TCTN2: variants seen among roughly 807,000 people sequenced by gnomAD.
TCTN2 encodes the protein tectonic family member 2, also known as tectonic-2.
In TCTN2, 66 loss-of-function variants were observed where a neutral mutation model predicts 83.4. The ratio of observed to expected loss-of-function variants is 0.79; its 90% CI spans 0.65 to 0.97. The LOEUF (loss-of-function observed/expected upper bound fraction) is 0.97, where lower values mean the gene tolerates loss of function less well. Among genes scored for constraint, TCTN2 ranks in the 50% least tolerant of loss-of-function variants. TCTN2 has a pLI of 0.00. For synonymous variants in TCTN2, 301 were observed against 326.7 expected (o/e 0.92, Z 0.85); for missense variants, 794 against 858.1 (o/e 0.93, Z 0.93).
chr12:123,671,540 C>G lies in TCTN2; in HGVS notation c.116C>G (p.Pro39Arg). ...CCTCCTTTTATCCGAATGTCCGGCCCTGCGGTCAGCGCGTCCCTGGTCGGA... is the reference window on the plus strand; with the variant it reads ...CCTCCTTTTATCCGAATGTCCGGCCGTGCGGTCAGCGCGTCCCTGGTCGGA... ...FIPPFIRMSGPAVSASLVGDT... is the reference protein window; with the variant it reads ...FIPPFIRMSGRAVSASLVGDT... Residue 39 changes from proline to arginine, a missense_variant, in exon 2 of 18, where the codon CCT becomes CGT. Coordinates refer to ENST00000303372, the MANE Select transcript of TCTN2 (RefSeq NM_024809.5). 6.2e-7 allele frequency: 1 copy of G among 1,614,170 alleles called. No individual in the cohort carries two copies. Among genetic ancestry groups the G allele is most frequent in the Non-Finnish European group, 8.5e-7 (1 of 1,180,030 alleles).
At chr12:123,687,176 T>G (rs1566252107) in intron 6 of TCTN2, 141 bp downstream of exon 6, 3 of 922,362 alleles carry the variant, frequency 3.3e-6, no homozygotes, top group Non-Finnish European at 5.2e-6. Flanking sequence ...CAATTCTAGA[T>G]TTCAGTTAGC....
At chr12:123,704,834 A>G in intron 15 of TCTN2, 146 bp downstream of exon 15, 1 of 850,872 alleles carries the variant, frequency 1.2e-6, no homozygotes, top group Non-Finnish European at 1.9e-6. Flanking sequence ...CACATATGGA[A>G]TATGTACGAA....
In TCTN2 at chr12:123,672,040, G is replaced by A; in HGVS notation, c.191-16G>A. On this transcript the variant is annotated splice_polypyrimidine_tract_variant and intron_variant, in intron 2 of 17. Transcript: ENST00000303372. ...CTGGACCTTGCTGCCTTTGCATGCT[G>A]GTCTTCTTTCTTTAGGAATATTGCC... 6.2e-7 allele frequency: 1 copy of A among 1,612,684 alleles called. No individual in the cohort carries two copies. The highest frequency in any genetic ancestry group is 8.5e-7 in the Non-Finnish European group (1 of 1,178,780).
At position 123,706,298 on chromosome 12, in the gene TCTN2, G is replaced by A. The variant is rs777375788; in HGVS notation, c.1770-428G>A. On this transcript the variant is annotated intron_variant, in intron 15 of 17. Coordinates refer to ENST00000303372, the MANE Select transcript of TCTN2 (RefSeq NM_024809.5). Reference sequence around the variant, plus strand: ...ACCACCTCCGCAGTACTCTTCTGAGGATAACATGAGATGGTGTGTTGCAAG... The same window carrying A: ...ACCACCTCCGCAGTACTCTTCTGAGAATAACATGAGATGGTGTGTTGCAAG... Among the ~76,000 whole-genome samples the A allele has an allele frequency of 1.8e-4, 27 of 152,198 alleles. 1 individual carries two copies. Among genetic ancestry groups the A allele is most frequent in the Non-Finnish European group, 3.7e-4 (25 of 68,042 alleles).
At chr12:123,675,321 G>T (rs989293366) in intron 4 of TCTN2, among the ~76,000 whole-genome samples, 5 of 152,118 alleles carry the variant, frequency 3.3e-5, no homozygotes, top group Admixed American at 6.5e-5. Flanking sequence ...TAGATGTGCC[G>T]ATGTAGAGGG....
rs768079186 is a variant in TCTN2, at chr12:123,706,769, G to A, written c.1813G>A (p.Glu605Lys). 75 of 1,613,978 alleles carry A rather than the reference G, an allele frequency of 4.6e-5. No homozygotes were observed. Among genetic ancestry groups the A allele is most frequent in the Admixed American group, 1.5e-4 (9 of 59,974 alleles). ...GCAGTACCAGTGTGGGCTTACCTGTGAGCACAAGGCCGACCTTCTCCCTAT... is the reference window on the plus strand; with the variant it reads ...GCAGTACCAGTGTGGGCTTACCTGTAAGCACAAGGCCGACCTTCTCCCTAT... ...NWQYQCGLTC[E>K]HKADLLPISA... is the part of the protein sequence containing the mutation. Residue 605 changes from glutamate (E) to lysine (K), a missense_variant, in exon 16 of 18, where the codon GAG becomes AAG. Physicochemically the swap from Glu to Lys is moderately conservative, Grantham distance 56. Transcript: ENST00000303372.
At chr12:123,673,929 T>A in intron 4 of TCTN2, 119 bp downstream of exon 4, 1 of 922,934 alleles carries the variant, frequency 1.1e-6, no homozygotes, top group Non-Finnish European at 1.7e-6. Flanking sequence ...CCCGGGAGGT[T>A]AATGCTACAA....
chr12:123,696,053 A>G (rs1956104027), intron 11 of TCTN2: 1 of 309,194 alleles, frequency 3.2e-6, no homozygotes, highest in South Asian at 3.0e-5. Flanking sequence ...CATATTGGCC[A>G]TACTGGTCTC....
intron 8 of TCTN2, 146 bp downstream of exon 8, chr12:123,690,820 G>A (rs187870038): frequency 2.7e-5 from 25 of 923,908 alleles, no homozygotes; most frequent in African/African-American, 1.8e-4. Context: ...GTTTAGTTCC[G>A]TAAGACAGCA....
At chr12:123,705,161 G>GTT (rs71308014) in intron 15 of TCTN2, among the ~76,000 whole-genome samples, 2,553 of 117,668 alleles carry the variant, frequency 0.022, 162 homozygotes, top group African/African-American at 0.068. Context: ...GCCTCCATCA[G>GTT]TTTTTTTTTT....
At chr12:123,700,964 T>G (rs750449772) in intron 14 of TCTN2, among the ~76,000 whole-genome samples, 3 of 152,084 alleles carry the variant, frequency 2.0e-5, no homozygotes, top group Non-Finnish European at 4.4e-5. Context: ...TAAAACAAAA[T>G]AAAATAAAAT....
chr12:123,671,700 G>A, intron 2 of TCTN2, 86 bp downstream of exon 2: 1 of 1,225,788 alleles, frequency 8.2e-7, no homozygotes, highest in Non-Finnish European at 1.2e-6. Flanking sequence ...CATCCTTGGG[G>A]CCCCCTGCCT....
chr12:123,704,413 A>C, intron 14 of TCTN2, 119 bp from the exon 15 acceptor site: 1 of 1,041,720 alleles, frequency 9.6e-7, no homozygotes, highest in South Asian at 1.4e-5. Flanking sequence ...CCTGTAAGAG[A>C]CTAAAGCCTC....
chr12:123,680,878 C>G (rs1339134688), intron 5 of TCTN2, among the ~76,000 whole-genome samples: 1 of 151,916 alleles, frequency 6.6e-6, no homozygotes, highest in Non-Finnish European at 1.5e-5. Flanking sequence ...GAAAGAATAT[C>G]TCTTTGGATA....
At position 123,687,940 on chromosome 12, in the gene TCTN2, G is replaced by C. The variant is rs1955993564; in HGVS notation, c.765-111G>C. On this transcript the variant is annotated intron_variant, in intron 6 of 17. Transcript: ENST00000303372. ...GATCACGCCACTGCACTCCAGCCTG[G>C]GTGACAGAGTGAGACTCCATCTCAG... The C allele has an allele frequency of 3.4e-5, 50 of 1,461,098 alleles. No homozygotes were observed. The South Asian group carries it at 5.5e-4, about 16-fold the overall frequency. 90.5% of individuals were successfully genotyped at this position (1,461,098 alleles called of 1,614,324 possible). A position where few individuals can be genotyped will look rare whatever the true frequency, so the allele number is the denominator to read the frequency against.
rs1463698038 is a variant in TCTN2 at position 123,704,682 on chromosome 12, A to G, written c.1763A>G (p.Glu588Gly). The change falls in exon 15 of 18, where the codon GAG (glutamate) becomes GGG (glycine). Residue 588 changes from glutamate to glycine, a missense_variant. Transcript: ENST00000303372. ...ACTCAGCAGGAGATACTCGGTGTAG[A>G]GACAAGGTATGATCACATCTTGGAT... ...GITQQEILGV[E>G]TRFSSVNWQY... 6.2e-7 allele frequency: 1 copy of G among 1,613,554 alleles called. No individual in the cohort carries two copies. The highest frequency in any genetic ancestry group is 1.7e-5 in the Admixed American group (1 of 59,868).
At chr12:123,697,860 C>CTT (rs536696616) in intron 13 of TCTN2, among the ~76,000 whole-genome samples, 52 of 136,536 alleles carry the variant, frequency 3.8e-4, no homozygotes, top group African/African-American at 1.1e-3. Context: ...GGGTGATTAA[C>CTT]TTTTTTTTTT....
Position 123,708,005 on chromosome 12 carries a change from G to T in TCTN2, c.*292G>T. 3.3e-6 allele frequency: 1 copy of T among 302,336 alleles called. No homozygotes were observed. The highest frequency in any genetic ancestry group is 6.1e-6 in the Non-Finnish European group (1 of 163,604). 18.7% of individuals were successfully genotyped at this position (302,336 alleles called of 1,614,324 possible). On this transcript the variant is annotated 3_prime_UTR_variant, in exon 18 of 18. Transcript: ENST00000303372. ...TTACAGGCATGAGCCACCGCACCCG[G>T]CCTTTTTTTTTTTTTTTTTTTTTTT...
chr12:123,700,628 T>C (rs997041651), intron 14 of TCTN2, among the ~76,000 whole-genome samples: 3 of 152,180 alleles, frequency 2.0e-5, no homozygotes, highest in African/African-American at 4.8e-5. Flanking sequence ...AGACGGGGTT[T>C]CACCATGTTG....
Sources: gnomAD v4.1 joint callset for allele counts (sites outside exome capture counted in the v4.1 genomes callset) on GRCh38, gnomAD v4.1.1 for gene constraint, MANE v1.5 for transcripts, NCBI Gene and HGNC (gene_info 2026-07-23, HGNC 2026-07-21) for gene names.